TACR3: variants seen among roughly 807,000 people sequenced by gnomAD.
TACR3 encodes tachykinin receptor 3, also known as neuromedin-K receptor.
In TACR3, 34 loss-of-function variants were observed where a neutral mutation model predicts 35.0. The ratio of observed to expected loss-of-function variants is 0.97; its 90% CI spans 0.74 to 1.30. The LOEUF is 1.30. Among genes scored for constraint, TACR3 ranks in the 50% most tolerant of loss-of-function variants. The pLI, the probability that TACR3 is intolerant of heterozygous loss-of-function variation, is 0.00. For missense variants in TACR3, 558 were observed against 591.7 expected (o/e 0.94, Z 0.59); for synonymous variants, 233 against 221.1 (o/e 1.05, Z -0.48).
chr4:103,594,372 G>A (rs1723959846), intron 3 of TACR3, among the ~76,000 whole-genome samples: 1 of 151,838 alleles, frequency 6.6e-6, no homozygotes, highest in Non-Finnish European at 1.5e-5. Flanking sequence ...GAGACAGGGT[G>A]TTACCATAGT....
At chr4:103,714,302 A>T (rs1008317461) in intron 1 of TACR3, among the ~76,000 whole-genome samples, 8 of 152,150 alleles carry the variant, frequency 5.3e-5, no homozygotes, top group African/African-American at 1.9e-4. Flanking sequence ...GCAACCTCTG[A>T]TTACATATGA....
intron 3 of TACR3, among the ~76,000 whole-genome samples, chr4:103,603,964 C>T (rs1345453055): frequency 6.6e-6 from 1 of 152,154 alleles, no homozygotes; most frequent in Admixed American, 6.5e-5. Flanking sequence ...GGCCATACTG[C>T]CCAAAGTAAT....
chr4:103,654,959 C>T (rs559533345), intron 3 of TACR3, among the ~76,000 whole-genome samples: 1 of 152,138 alleles, frequency 6.6e-6, no homozygotes, highest in South Asian at 2.1e-4. Context: ...CTTTAGGATT[C>T]GTTTGTAGGT....
chr4:103,657,038 G>T (rs1725747348), intron 2 of TACR3, among the ~76,000 whole-genome samples: 1 of 151,934 alleles, frequency 6.6e-6, no homozygotes, highest in African/African-American at 2.4e-5. Context: ...ATTAAATTCT[G>T]GTATTTAGTA....
chr4:103,688,338 G>T (rs551261885), intron 1 of TACR3, among the ~76,000 whole-genome samples: 192 of 152,274 alleles, frequency 1.3e-3, no homozygotes, highest in African/African-American at 4.4e-3. Flanking sequence ...ACTGGCATGG[G>T]CAAGGACTTC....
intron 1 of TACR3, among the ~76,000 whole-genome samples, chr4:103,711,617 C>G (rs2110231254): frequency 6.6e-6 from 1 of 152,200 alleles, no homozygotes; most frequent in East Asian, 1.9e-4. Flanking sequence ...CACTCCTATT[C>G]AACATAATGT....
At chr4:103,656,882 C>A (rs1578245889) in intron 2 of TACR3, among the ~76,000 whole-genome samples, 1 of 151,922 alleles carries the variant, frequency 6.6e-6, no homozygotes, top group East Asian at 1.9e-4. Context: ...TTTTAAAAAT[C>A]AGGTAAAGAC....
intron 3 of TACR3, among the ~76,000 whole-genome samples, chr4:103,630,518 A>G (rs1422774384): frequency 6.6e-6 from 1 of 152,242 alleles, no homozygotes; most frequent in Non-Finnish European, 1.5e-5. Flanking sequence ...AAAGTGGGCA[A>G]GGGATATGAA....
intron 1 of TACR3, among the ~76,000 whole-genome samples, chr4:103,675,469 C>T (rs1230485419): frequency 2.0e-5 from 3 of 152,132 alleles, no homozygotes; most frequent in Non-Finnish European, 2.9e-5. Flanking sequence ...AATGTGCAAA[C>T]TGAAGAGAGT....
chr4:103,662,777 A>G (rs1725859195), intron 1 of TACR3, among the ~76,000 whole-genome samples: 1 of 152,224 alleles, frequency 6.6e-6, no homozygotes, highest in Non-Finnish European at 1.5e-5. Flanking sequence ...AAGAAACAGC[A>G]AAGATTGCCA....
intron 3 of TACR3, among the ~76,000 whole-genome samples, chr4:103,613,529 A>G (rs1724560043): frequency 6.6e-6 from 1 of 150,574 alleles, no homozygotes; most frequent in Non-Finnish European, 1.5e-5. Context: ...GGGTTTCACT[A>G]TATTGGCCAG....
At chr4:103,653,159 A>G (rs967473395) in intron 3 of TACR3, among the ~76,000 whole-genome samples, 1 of 152,136 alleles carries the variant, frequency 6.6e-6, no homozygotes, top group Non-Finnish European at 1.5e-5. Flanking sequence ...AGGAAGACAT[A>G]TAAACTGGAA....
chr4:103,704,782 A>T (rs1026060808), intron 1 of TACR3, among the ~76,000 whole-genome samples: 9 of 152,280 alleles, frequency 5.9e-5, no homozygotes, highest in Admixed American at 2.0e-4. Context: ...AGTTCTTACC[A>T]CTATCCTCTC....
At chr4:103,707,717 GGAAGCAC>G (rs1442421942) in intron 1 of TACR3, among the ~76,000 whole-genome samples, 3 of 152,082 alleles carry the variant, frequency 2.0e-5, no homozygotes, top group Non-Finnish European at 4.4e-5. Flanking sequence ...GCCTCACCTG[GGAAGCAC>G]AAGGGGTCAG....
At chr4:103,630,675 G>T (rs1248128133) in intron 3 of TACR3, among the ~76,000 whole-genome samples, 1 of 152,144 alleles carries the variant, frequency 6.6e-6, no homozygotes, top group Non-Finnish European at 1.5e-5. Context: ...AAAAAGTCAG[G>T]AAACAACAGA....
chr4:103,703,104 T>C (rs922771395), intron 1 of TACR3, among the ~76,000 whole-genome samples: 25 of 152,174 alleles, frequency 1.6e-4, no homozygotes, highest in African/African-American at 4.6e-4. Flanking sequence ...ACCTCAAAAG[T>C]ATTTAAACAA....
chr4:103,695,283 CA>C, intron 1 of TACR3, among the ~76,000 whole-genome samples: 1 of 152,082 alleles, frequency 6.6e-6, no homozygotes, highest in South Asian at 2.1e-4. Flanking sequence ...AAAATTACAC[CA>C]AGTGTGTCTG....
rs542710025 is a variant in TACR3, at chr4:103,639,589, A to T, written c.888+16605T>A. 9.9e-5 allele frequency among the ~76,000 whole-genome samples: 15 copies of T among 152,252 alleles called. No individual in the cohort carries two copies. In the South Asian group the frequency reaches 3.1e-3, roughly 32 times the overall value. On this transcript the variant is annotated intron_variant, in intron 3 of 4. Transcript: ENST00000304883. ...ACATGTACCCTAAAACTTAAAGTATAATAATAAAATAAAATGAAAAAAAGA... is the reference window on the plus strand; with the variant it reads ...ACATGTACCCTAAAACTTAAAGTATTATAATAAAATAAAATGAAAAAAAGA...
At chr4:103,668,759 G>A (rs1247308845) in intron 1 of TACR3, among the ~76,000 whole-genome samples, 3 of 150,984 alleles carry the variant, frequency 2.0e-5, no homozygotes, top group African/African-American at 4.9e-5. Context: ...TGAGGCAGGA[G>A]AATTGCTTGA....
Sources: allele counts gnomAD v4.1 joint callset (sites outside exome capture counted in the v4.1 genomes callset), GRCh38; gene constraint gnomAD v4.1.1; transcripts MANE v1.5; gene names NCBI Gene and HGNC (gene_info 2026-07-23, HGNC 2026-07-21).